The following VPS13D variants were observed in gnomAD, a reference collection of about 807,000 sequenced individuals.
The protein encoded by VPS13D is vacuolar protein sorting 13 homolog D, also known as intermembrane lipid transfer protein VPS13D.
A neutral mutation model predicts 461.9 loss-of-function variants in VPS13D; 187 were observed. That is an observed-to-expected ratio of 0.40 (90% confidence interval 0.36 to 0.46). The LOEUF is 0.46. Ranked by LOEUF, VPS13D falls within the 20% of genes least tolerant of loss-of-function variation. VPS13D has a pLI of 0.60. For missense variants in VPS13D, 4,711 were observed against 5,364.9 expected (o/e 0.88, Z 3.81); for synonymous variants, 1,951 against 1,986.3 (o/e 0.98, Z 0.47).
chr1:12,356,129 G>A (rs750869975), intron 48 of VPS13D, 39 bp downstream of exon 48: 8 of 1,558,034 alleles, frequency 5.1e-6, no homozygotes, highest in Non-Finnish European at 6.9e-6. Flanking sequence ...TTTGGCGTTA[G>A]TCATGGGAAT....
chr1:12,448,325 T>C (rs944888488), intron 65 of VPS13D, among the ~76,000 whole-genome samples: 1 of 152,152 alleles, frequency 6.6e-6, no homozygotes, highest in Non-Finnish European at 1.5e-5. Context: ...ATCTCCTGGT[T>C]CAGTACTGAG....
chr1:12,356,874 G>GA (rs1252834605), intron 49 of VPS13D, among the ~76,000 whole-genome samples: 2 of 152,242 alleles, frequency 1.3e-5, no homozygotes, highest in East Asian at 3.8e-4. Flanking sequence ...CACAGGAGCT[G>GA]TCATCAGAAT....
At chr1:12,239,300 G>A (rs943134046) in intron 2 of VPS13D, among the ~76,000 whole-genome samples, 5 of 151,976 alleles carry the variant, frequency 3.3e-5, no homozygotes, top group African/African-American at 7.3e-5. Context: ...CCATAGGTCC[G>A]GCTATTTGTT....
chr1:12,235,205 A>T (rs1640107592), intron 2 of VPS13D, among the ~76,000 whole-genome samples: 2 of 152,230 alleles, frequency 1.3e-5, no homozygotes, highest in South Asian at 4.1e-4. Context: ...AGTGGACCAG[A>T]GCAGGTTAGA....
intron 37 of VPS13D, among the ~76,000 whole-genome samples, chr1:12,330,711 C>T (rs1179657122): frequency 1.3e-5 from 2 of 151,958 alleles, no homozygotes; most frequent in South Asian, 2.1e-4. Context: ...GGATTACAGG[C>T]GCTTGCCACC....
intron 65 of VPS13D, among the ~76,000 whole-genome samples, chr1:12,425,886 C>T (rs1644919033): frequency 1.3e-5 from 2 of 152,224 alleles, no homozygotes; most frequent in Non-Finnish European, 2.9e-5. Context: ...AATGCAACTT[C>T]TCAGGTATAA....
At chr1:12,242,662 G>T in intron 3 of VPS13D, 72 bp downstream of exon 3, 2 of 1,371,908 alleles carry the variant, frequency 1.5e-6, no homozygotes, top group Non-Finnish European at 2.1e-6. Flanking sequence ...TGAGAGCCCT[G>T]GAGTTTGTAT....
At chr1:12,336,100 G>A (rs533071300) in intron 39 of VPS13D, 2 of 348,896 alleles carry the variant, frequency 5.7e-6, no homozygotes, top group Non-Finnish European at 1.1e-5. Context: ...ATATGAACTG[G>A]TGCACCTGAG....
intron 26 of VPS13D, among the ~76,000 whole-genome samples, chr1:12,305,230 C>A (rs1642529710): frequency 6.6e-6 from 1 of 152,182 alleles, no homozygotes; most frequent in South Asian, 2.1e-4. Flanking sequence ...AAGAATTAGT[C>A]ATTCCAAATG....
intron 2 of VPS13D, among the ~76,000 whole-genome samples, chr1:12,241,291 TA>T (rs1280973665): frequency 2.0e-5 from 3 of 152,178 alleles, no homozygotes; most frequent in African/African-American, 7.2e-5. Context: ...AACAATCATT[TA>T]AAGGGAAACA....
intron 67 of VPS13D, among the ~76,000 whole-genome samples, chr1:12,470,962 C>G (rs1453097290): frequency 2.6e-5 from 4 of 151,918 alleles, no homozygotes; most frequent in Admixed American, 1.3e-4. Flanking sequence ...TTTTTTTATA[C>G]CTTAGCTGTA....
chr1:12,483,540 T>C (rs1055889685), intron 67 of VPS13D, among the ~76,000 whole-genome samples: 1 of 152,194 alleles, frequency 6.6e-6, no homozygotes, highest in African/African-American at 2.4e-5. Flanking sequence ...CAGTTGTCAT[T>C]TAGCCAGTTT....
In VPS13D at chr1:12,281,369, C is replaced by T. The variant is rs988990658; in HGVS notation, c.4603-1336C>T. On this transcript the variant is annotated intron_variant, in intron 20 of 69. Transcript: ENST00000620676. ...GTAGGTCTCTGTTCATCTAGTTTCC[C>T]TCTCTTTTTTGTCCCCCCATGTCGT... 4.1e-5 allele frequency among the ~76,000 whole-genome samples: 6 copies of T among 146,810 alleles called. No homozygotes were observed. The East Asian group carries it at 1.2e-3, about 30-fold the overall frequency.
chr1:12,237,744 T>A (rs968746164), intron 2 of VPS13D, among the ~76,000 whole-genome samples: 4 of 151,980 alleles, frequency 2.6e-5, no homozygotes, highest in Admixed American at 1.3e-4. Flanking sequence ...GGAGGATCGC[T>A]TGAGCCCAGG....
chr1:12,460,228 T>A lies in VPS13D; in HGVS notation c.12494T>A (p.Ile4165Lys). 6.2e-7 allele frequency: 1 copy of A among 1,608,688 alleles called. No homozygotes were observed. The highest frequency in any genetic ancestry group is 8.5e-7 in the Non-Finnish European group (1 of 1,177,338). ...ATCATTGGTGGACTGACCAGTGTTATAACTTCGACAGTGGAAGGTGTGAAA... is the reference window on the plus strand; with the variant it reads ...ATCATTGGTGGACTGACCAGTGTTAAAACTTCGACAGTGGAAGGTGTGAAA... ...HGIIGGLTSVITSTVEGVKTE... is the reference protein window; with the variant it reads ...HGIIGGLTSVKTSTVEGVKTE... Residue 4165 changes from isoleucine (I) to lysine (K), a missense_variant, in exon 67 of 70, where the codon ATA becomes AAA. Transcript: ENST00000620676.
At chr1:12,491,201 C>A (rs1645876437) in intron 67 of VPS13D, among the ~76,000 whole-genome samples, 1 of 152,182 alleles carries the variant, frequency 6.6e-6, no homozygotes, top group Non-Finnish European at 1.5e-5. Flanking sequence ...AAGCACAACC[C>A]ATCACACAAC....
chr1:12,256,098 G>A (rs1226351368), intron 7 of VPS13D, among the ~76,000 whole-genome samples: 1 of 152,110 alleles, frequency 6.6e-6, no homozygotes, highest in African/African-American at 2.4e-5. Flanking sequence ...ACTTTGGGAG[G>A]TGGGAGGATC....
In VPS13D at chr1:12,502,539, G is replaced by A. The variant is rs1351120109; in HGVS notation, c.12795-4314G>A. Among the ~76,000 whole-genome samples, 3 of 151,904 alleles carry A rather than the reference G, an allele frequency of 2.0e-5. No individual in the cohort carries two copies. Among genetic ancestry groups the A allele is most frequent in the African/African-American group, 7.3e-5 (3 of 41,338 alleles). On this transcript the variant is annotated intron_variant, in intron 68 of 69. Coordinates refer to ENST00000620676, the MANE Select transcript of VPS13D (RefSeq NM_015378.4). The surrounding 1 kb of genome is among the most constrained non-coding windows in gnomAD (Gnocchi z 4.3). Reference sequence around the variant, plus strand: ...CATAGGTGGACCTGGGGTGGGTAACGCCTAGGGGTAGAGGAGCCTGTTCCA... The same window carrying A: ...CATAGGTGGACCTGGGGTGGGTAACACCTAGGGGTAGAGGAGCCTGTTCCA...
intron 60 of VPS13D, among the ~76,000 whole-genome samples, chr1:12,398,730 T>TA (rs1328327415): frequency 1.3e-5 from 2 of 152,220 alleles, no homozygotes; most frequent in Non-Finnish European, 2.9e-5. Flanking sequence ...GCCGCTGACT[T>TA]AATCGTTTCG....
Sources: allele counts gnomAD v4.1 joint callset (sites outside exome capture counted in the v4.1 genomes callset), GRCh38; gene constraint gnomAD v4.1.1; non-coding constraint Gnocchi (gnomAD v3.1); transcripts MANE v1.5; gene names NCBI Gene and HGNC (gene_info 2026-07-23, HGNC 2026-07-21).